Variants in NAA15 observed in about 807,000 individuals in gnomAD.
The protein encoded by NAA15 is N-terminal acetyltransferase.
In NAA15, 34 loss-of-function variants were observed where a neutral mutation model predicts 114.0. That is an observed-to-expected ratio of 0.30 (90% confidence interval 0.23 to 0.40). NAA15 has a LOEUF of 0.40. NAA15 is among the 10% of genes least tolerant of loss of function. The pLI is 1.00. For missense variants in NAA15, 658 were observed against 1,004.5 expected, an observed-to-expected ratio of 0.66 and a Z score of 4.66; for synonymous variants, 340 against 338.0, an observed-to-expected ratio of 1.01 and a Z score of -0.06.
Position 139,353,887 on chromosome 4 carries a change from G to A in NAA15, c.1015-139G>A, listed in dbSNP as rs180845353. The A allele has an allele frequency of 2.4e-4, 149 of 624,900 alleles. No homozygotes were observed. In the East Asian group the frequency reaches 3.7e-3, roughly 16 times the overall value. The allele number at this position is 624,900 out of a possible 1,614,324, so 38.7% of individuals were successfully genotyped here. A position where few individuals can be genotyped will look rare whatever the true frequency, so the allele number is the denominator to read the frequency against. ...ATGTATTTTAAAATTTGTATCTAGA[G>A]GTTAAGATATTTTTAATAAAGGAGG... On this transcript the variant is annotated intron_variant, in intron 9 of 19. Coordinates refer to ENST00000296543, the MANE Select transcript of NAA15 (RefSeq NM_057175.5).
chr4:139,385,308 T>TATAA (rs1489273737), intron 18 of NAA15, among the ~76,000 whole-genome samples: 4 of 91,862 alleles, frequency 4.4e-5, no homozygotes, highest in Admixed American at 1.9e-4. Flanking sequence ...ATAATATATA[T>TATAA]TATATATATA....
chr4:139,302,371 AAAG>A (rs1363654202), intron 1 of NAA15: 2 of 153,162 alleles, frequency 1.3e-5, no homozygotes, highest in African/African-American at 4.8e-5. Flanking sequence ...GAGAGGAGGG[AAAG>A]AAGGAGTTCA....
At chr4:139,351,331 TA>T (rs1747772160) in intron 8 of NAA15, 45 bp downstream of exon 8, 2 of 1,388,238 alleles carry the variant, frequency 1.4e-6, no homozygotes, top group East Asian at 2.3e-5. Context: ...TTTTATGATT[TA>T]AAGTTTCTTT....
intron 15 of NAA15, 119 bp downstream of exon 15, chr4:139,370,523 AT>A: frequency 1.1e-6 from 1 of 894,126 alleles, no homozygotes. Flanking sequence ...AGAGCCAAAA[AT>A]TATTTTATTT....
chr4:139,360,759 T>C (rs913515134), intron 13 of NAA15, 131 bp downstream of exon 13: 4 of 768,778 alleles, frequency 5.2e-6, no homozygotes, highest in Non-Finnish European at 7.4e-6. Flanking sequence ...ATTCACTTTT[T>C]TCAGTTTTCA....
chr4:139,352,281 G>A (rs1220270753), intron 9 of NAA15, among the ~76,000 whole-genome samples: 1 of 151,818 alleles, frequency 6.6e-6, no homozygotes, highest in Non-Finnish European at 1.5e-5. Context: ...GCTAATTTTT[G>A]TATTTTTAAT....
chr4:139,341,073 A>G lies in NAA15; in HGVS notation c.402+4A>G, dbSNP rs1431765842. On this transcript the variant is annotated splice_donor_region_variant and intron_variant, in intron 4 of 19. Coordinates refer to ENST00000296543, the MANE Select transcript of NAA15 (RefSeq NM_057175.5). ...GCGAGATCTTGAGGGTTACAGGGTA[A>G]GTAAAATAGAGACTTTTTTTTTTAA... is the stretch of plus-strand genomic sequence containing the variant. The G allele has an allele frequency of 1.3e-6, 2 of 1,504,374 alleles. No individual in the cohort carries two copies. The highest frequency in any genetic ancestry group is 1.8e-6 in the Non-Finnish European group (2 of 1,128,832). The allele number at this position is 1,504,374 out of a possible 1,614,324, so 93.2% of individuals were successfully genotyped here.
At chr4:139,383,334 G>A (rs1748802124) in intron 17 of NAA15, among the ~76,000 whole-genome samples, 1 of 152,150 alleles carries the variant, frequency 6.6e-6, no homozygotes, top group Admixed American at 6.5e-5. Flanking sequence ...CCATACCCAA[G>A]TCTAACTGGC....
At chr4:139,348,002 G>A (rs944283089) in intron 6 of NAA15, among the ~76,000 whole-genome samples, 1 of 146,164 alleles carries the variant, frequency 6.8e-6, no homozygotes, top group Non-Finnish European at 1.5e-5. Flanking sequence ...ACTGCAGTCC[G>A]CAGTCCGGCC....
At chr4:139,381,230 C>A (rs989210796) in intron 17 of NAA15, among the ~76,000 whole-genome samples, 9 of 152,040 alleles carry the variant, frequency 5.9e-5, no homozygotes, top group East Asian at 1.9e-4. Flanking sequence ...ATATTTAATA[C>A]CCTTTTAAAG....
intron 1 of NAA15, among the ~76,000 whole-genome samples, chr4:139,326,515 A>T (rs970475343): frequency 6.6e-6 from 1 of 152,208 alleles, no homozygotes; most frequent in Non-Finnish European, 1.5e-5. Context: ...GTACTACATA[A>T]GATTATAGAA....
At chr4:139,315,469 G>A (rs1746380404) in intron 1 of NAA15, among the ~76,000 whole-genome samples, 1 of 151,508 alleles carries the variant, frequency 6.6e-6, no homozygotes, top group Non-Finnish European at 1.5e-5. Flanking sequence ...AGTGAGCAGT[G>A]TTCATGCCAC....
intron 14 of NAA15, among the ~76,000 whole-genome samples, chr4:139,365,485 A>G (rs1748254038): frequency 6.6e-6 from 1 of 152,180 alleles, no homozygotes; most frequent in African/African-American, 2.4e-5. Context: ...TTTCTCGTAT[A>G]TAAAATAATA....
chr4:139,347,821 A>G (rs1198766110), intron 6 of NAA15, among the ~76,000 whole-genome samples: 1 of 149,022 alleles, frequency 6.7e-6, no homozygotes, highest in African/African-American at 2.5e-5. Context: ...TCATGAGGTC[A>G]GGAGATCGAG....
chr4:139,363,221 C>T lies in NAA15; in HGVS notation c.1753+1284C>T, dbSNP rs573840918. ...TTTCTATTCTTCTGCCTCCCTCCTT[C>T]TCTTCTTCAAATTATACAAATAATA... is the stretch of plus-strand genomic sequence containing the variant. On this transcript the variant is annotated intron_variant, in intron 14 of 19. Transcript: ENST00000296543. 3.4e-3 allele frequency among the ~76,000 whole-genome samples: 514 copies of T among 152,288 alleles called. 4 individuals are homozygous for T. Among genetic ancestry groups the T allele is most frequent in the South Asian group, 3.7e-3 (18 of 4,816 alleles).
At chr4:139,351,454 T>G in intron 8 of NAA15, 51 bp from the exon 9 acceptor site, 1 of 1,184,332 alleles carries the variant, frequency 8.4e-7, no homozygotes, top group East Asian at 2.3e-5. Context: ...CTTTGGTAAA[T>G]GTAAGTAAAT....
At position 139,301,589 on chromosome 4, in the gene NAA15, G is replaced by A. The variant is rs1488549322; in HGVS notation, c.-189G>A. 5 of 639,598 alleles carry A rather than the reference G, an allele frequency of 7.8e-6. No homozygotes were observed. Among genetic ancestry groups the A allele is most frequent in the Non-Finnish European group, 1.1e-5 (4 of 377,880 alleles). 39.6% of individuals were successfully genotyped at this position (639,598 alleles called of 1,614,324 possible). A position where few individuals can be genotyped will look rare whatever the true frequency, so the allele number is the denominator to read the frequency against. ...GGGAGGCGGCGGCAGCGTTAAGTGA[G>A]AAAGGAAAAAAGACAACGAGGAAAA... On this transcript the variant is annotated 5_prime_UTR_variant, in exon 1 of 20. Coordinates refer to ENST00000296543, the MANE Select transcript of NAA15 (RefSeq NM_057175.5).
At chr4:139,361,080 T>C (rs1209429935) in intron 13 of NAA15, among the ~76,000 whole-genome samples, 4 of 152,186 alleles carry the variant, frequency 2.6e-5, no homozygotes, top group Non-Finnish European at 5.9e-5. Flanking sequence ...GTTTTCTTAA[T>C]TCTCTTCACG....
chr4:139,355,085 G>A (rs894948353), intron 10 of NAA15, among the ~76,000 whole-genome samples: 3 of 151,504 alleles, frequency 2.0e-5, no homozygotes, highest in Admixed American at 6.6e-5. Flanking sequence ...TATTGGCCAG[G>A]CCAGGCTGGT....
Sources: allele counts gnomAD v4.1 joint callset (sites outside exome capture counted in the v4.1 genomes callset), GRCh38; gene constraint gnomAD v4.1.1; transcripts MANE v1.5; gene names NCBI Gene and HGNC (gene_info 2026-07-23, HGNC 2026-07-21).